The following RNF216 variants were observed in gnomAD, a reference collection of about 807,000 sequenced individuals.
RNF216 encodes E3 ubiquitin-protein ligase RNF216.
In RNF216, 72 loss-of-function variants were observed where a neutral mutation model predicts 110.8. That is an observed-to-expected ratio of 0.65 (90% CI 0.54 to 0.79). The LOEUF (loss-of-function observed/expected upper bound fraction) is 0.79, where lower values mean the gene tolerates loss of function less well. Ranked by LOEUF, RNF216 falls within the 30% of genes least tolerant of loss-of-function variation. RNF216 has a pLI of 0.00. For missense variants in RNF216, 1,342 were observed against 1,141.2 expected (o/e 1.18, Z -2.54); for synonymous variants, 495 against 407.5 (o/e 1.21, Z -2.59).
At chr7:5,708,424 A>G (rs1310747470) in intron 13 of RNF216, among the ~76,000 whole-genome samples, 1 of 152,194 alleles carries the variant, frequency 6.6e-6, no homozygotes, top group African/African-American at 2.4e-5. Context: ...GCATATACAG[A>G]TGGTCTCCAA....
intron 13 of RNF216, among the ~76,000 whole-genome samples, chr7:5,666,998 G>A: frequency 6.6e-6 from 1 of 151,958 alleles, no homozygotes; most frequent in East Asian, 1.9e-4. Context: ...GTACAGACCA[G>A]GTCTTGCTAT....
intron 13 of RNF216, among the ~76,000 whole-genome samples, chr7:5,703,642 G>C: frequency 6.6e-6 from 1 of 152,348 alleles, no homozygotes; most frequent in African/African-American, 2.4e-5. Context: ...GGTGAGAAAA[G>C]ATAAATAAAT....
chr7:5,755,849 G>A (rs760070924), intron 2 of RNF216, among the ~76,000 whole-genome samples: 46 of 152,044 alleles, frequency 3.0e-4, no homozygotes, highest in Non-Finnish European at 5.9e-4. Flanking sequence ...GCTCCATTTT[G>A]GCAGATAACA....
intron 2 of RNF216, chr7:5,760,639 A>G (rs946225249): frequency 4.8e-5 from 15 of 313,482 alleles, no homozygotes; most frequent in Non-Finnish European, 7.3e-5. Context: ...GGAAGACAAG[A>G]CTGGTTCAGC....
chr7:5,709,974 G>A (rs921806523), intron 13 of RNF216, among the ~76,000 whole-genome samples: 5 of 152,004 alleles, frequency 3.3e-5, no homozygotes, highest in African/African-American at 4.8e-5. Flanking sequence ...GGCTGGTCTC[G>A]GACTCCTAGT....
At chr7:5,749,718 A>G (rs770164077) in intron 3 of RNF216, among the ~76,000 whole-genome samples, 9 of 152,242 alleles carry the variant, frequency 5.9e-5, no homozygotes, top group Non-Finnish European at 1.3e-4. Flanking sequence ...GTATATGCGA[A>G]AAATGAAACG....
rs35798344 is a variant in RNF216 at position 5,779,828 on chromosome 7, C to CAAAA, written c.-70+1709_-70+1712dup. 3.9e-3 allele frequency among the ~76,000 whole-genome samples: 200 copies of CAAAA among 51,194 alleles called. 5 individuals are homozygous for CAAAA. The highest frequency in any genetic ancestry group is 0.022 in the East Asian group (54 of 2,470). 33.6% of individuals were successfully genotyped at this position (51,194 alleles called of 152,430 possible). ...TGGGAAATACAGCCAGACTCCGCCT[C>CAAAA]AAAAAAAAAAAAAAAATGCTCAATG... On this transcript the variant is annotated intron_variant, in intron 1 of 16. Transcript: ENST00000389902.
chr7:5,747,841 C>G (rs907010539), intron 3 of RNF216, among the ~76,000 whole-genome samples: 9 of 148,834 alleles, frequency 6.0e-5, no homozygotes, highest in South Asian at 2.1e-4. Flanking sequence ...TATAGTGGCA[C>G]AATCATAGCT....
At chr7:5,753,086 T>C (rs1351565551) in intron 2 of RNF216, 107 bp from the exon 3 acceptor site, 6 of 1,082,484 alleles carry the variant, frequency 5.5e-6, no homozygotes, top group Admixed American at 2.9e-5. Flanking sequence ...TCATGGCTAC[T>C]AGTGTAACGT....
chr7:5,758,721 T>A (rs1284126808), intron 2 of RNF216, among the ~76,000 whole-genome samples: 3 of 152,206 alleles, frequency 2.0e-5, no homozygotes, highest in Admixed American at 1.3e-4. Context: ...ATATACGCAA[T>A]GCATGTACCC....
intron 2 of RNF216, among the ~76,000 whole-genome samples, chr7:5,754,803 A>C (rs1027220068): frequency 2.6e-5 from 4 of 152,122 alleles, no homozygotes; most frequent in African/African-American, 9.7e-5. Context: ...CTAGACAGGC[A>C]GATCACTTGA....
intron 1 of RNF216, among the ~76,000 whole-genome samples, chr7:5,777,105 G>T (rs1292285967): frequency 6.6e-6 from 1 of 152,082 alleles, no homozygotes; most frequent in Admixed American, 6.6e-5. Context: ...CACTACACGT[G>T]GAGGGAAAGA....
chr7:5,653,756 G>A (rs1364479495), intron 13 of RNF216, among the ~76,000 whole-genome samples: 1 of 152,160 alleles, frequency 6.6e-6, no homozygotes, highest in Non-Finnish European at 1.5e-5. Context: ...GGGAGACAGT[G>A]AAGGCTTGAG....
At chr7:5,744,251 A>G (rs1794916602) in intron 3 of RNF216, among the ~76,000 whole-genome samples, 1 of 152,264 alleles carries the variant, frequency 6.6e-6, no homozygotes, top group East Asian at 1.9e-4. Flanking sequence ...CTAATGCTAC[A>G]TATGGATATA....
chr7:5,721,889 T>C (rs952733128), intron 8 of RNF216, among the ~76,000 whole-genome samples: 2 of 152,158 alleles, frequency 1.3e-5, no homozygotes, highest in Non-Finnish European at 2.9e-5. Flanking sequence ...AAATGATCTG[T>C]TTAGGTTTTG....
chr7:5,750,072 T>C (rs1795251427), intron 3 of RNF216, among the ~76,000 whole-genome samples: 1 of 152,270 alleles, frequency 6.6e-6, no homozygotes, highest in Admixed American at 6.5e-5. Context: ...ATGAGTATTC[T>C]TATTTTTATG....
rs1482420732 is a variant in RNF216, at chr7:5,680,395, TCAACA to T, written c.2062-27890_2062-27886del. 1 of 152,188 alleles carries T rather than the reference TCAACA, an allele frequency of 6.6e-6. No homozygotes were observed. The highest frequency in any genetic ancestry group is 1.5e-5 in the Non-Finnish European group (1 of 68,040). 9.4% of individuals were successfully genotyped at this position (152,188 alleles called of 1,614,324 possible). A position where few individuals can be genotyped will look rare whatever the true frequency, so the allele number is the denominator to read the frequency against. On this transcript the variant is annotated intron_variant, in intron 13 of 16. Transcript: ENST00000389902. The surrounding 1 kb of genome is among the most constrained non-coding windows in gnomAD (Gnocchi z 4.3). The stretch of plus-strand genomic sequence containing the variant: ...GTGGGCTTGTCAGCTCACTGGTTAC[TCAACA>T]CTTCTTTTTTTGTTGTTGTTGAGAC...
chr7:5,705,293 A>G (rs78521164), intron 13 of RNF216, among the ~76,000 whole-genome samples: 1 of 152,306 alleles, frequency 6.6e-6, no homozygotes, highest in African/African-American at 2.4e-5. Context: ...ATCTCTCCTG[A>G]ATCTTTTGGA....
chr7:5,674,962 A>G (rs189383177), intron 13 of RNF216, among the ~76,000 whole-genome samples: 1 of 152,236 alleles, frequency 6.6e-6, no homozygotes, highest in East Asian at 1.9e-4. Context: ...GCGCCACTGC[A>G]CTCCAGCCTG....
Sources: gnomAD v4.1 joint callset for allele counts (sites outside exome capture counted in the v4.1 genomes callset) on GRCh38, gnomAD v4.1.1 for gene constraint, Gnocchi (gnomAD v3.1) non-coding constraint, MANE v1.5 for transcripts, NCBI Gene and HGNC (gene_info 2026-07-23, HGNC 2026-07-21) for gene names.